ACVR1: variants seen among roughly 807,000 people sequenced by gnomAD.
ACVR1 encodes the protein activin A receptor type 1.
In ACVR1, 38 loss-of-function variants were observed where a neutral mutation model predicts 57.1. The observed-to-expected ratio is 0.67, with a 90% CI of 0.51 to 0.87. The LOEUF (loss-of-function observed/expected upper bound fraction) is 0.87, where lower values mean the gene tolerates loss of function less well. Among genes scored for constraint, ACVR1 ranks in the 40% least tolerant of loss-of-function variants. The pLI is 0.00. For missense variants in ACVR1, 463 were observed against 638.2 expected, an observed-to-expected ratio of 0.73 and a Z score of 2.96; for synonymous variants, 212 against 228.1, an observed-to-expected ratio of 0.93 and a Z score of 0.63.
At chr2:157,822,232 T>C (rs1006170825) in intron 1 of ACVR1, among the ~76,000 whole-genome samples, 5 of 152,186 alleles carry the variant, frequency 3.3e-5, no homozygotes, top group Admixed American at 3.3e-4. Flanking sequence ...AAACTCAGTT[T>C]TCCAACCTAT....
intron 1 of ACVR1, among the ~76,000 whole-genome samples, chr2:157,851,411 A>C (rs1414936269): frequency 1.3e-5 from 2 of 152,110 alleles, no homozygotes; most frequent in East Asian, 1.9e-4. Context: ...GGAATATTGC[A>C]ATCAGCTCTA....
chr2:157,851,239 T>C (rs1342579756), intron 1 of ACVR1, among the ~76,000 whole-genome samples: 2 of 151,612 alleles, frequency 1.3e-5, no homozygotes, highest in African/African-American at 2.4e-5. Context: ...CAAGGAGAGG[T>C]TGAGGAAGAC....
At position 157,826,767 on chromosome 2, in the gene ACVR1, AAAGG is replaced by A. The variant is rs1559080651; in HGVS notation, c.-182-8212_-182-8209del. The A allele has an allele frequency of 6.9e-4, 54 of 78,598 alleles. 2 individuals carry two copies. Among genetic ancestry groups the A allele is most frequent in the African/African-American group, 3.2e-3 (47 of 14,640 alleles). 4.9% of individuals were successfully genotyped at this position (78,598 alleles called of 1,614,324 possible). ...AAAGGAAAGGAAAGGAAAGGAAAGG[AAAGG>A]AAAGGAAAGGAAAGGAAAGGGAAAG... On this transcript the variant is annotated intron_variant, in intron 1 of 10. Coordinates refer to ENST00000434821, the MANE Select transcript of ACVR1 (RefSeq NM_001111067.4).
intron 9 of ACVR1, among the ~76,000 whole-genome samples, chr2:157,742,803 G>A (rs752785298): frequency 1.3e-5 from 2 of 152,102 alleles, no homozygotes; most frequent in Non-Finnish European, 2.9e-5. Context: ...TCTTGCCCCC[G>A]AGGTCCTGAA....
intron 9 of ACVR1, among the ~76,000 whole-genome samples, chr2:157,746,975 TA>T (rs1302032313): frequency 6.6e-6 from 1 of 151,198 alleles, no homozygotes; most frequent in Non-Finnish European, 1.5e-5. Context: ...AAAATTCCAA[TA>T]AAAAATATAA....
intron 2 of ACVR1, among the ~76,000 whole-genome samples, chr2:157,807,605 C>A (rs762542667): frequency 6.6e-6 from 1 of 151,846 alleles, no homozygotes; most frequent in African/African-American, 2.4e-5. Context: ...CCCCATTATC[C>A]CTTCCCATAA....
At chr2:157,761,829 A>C (rs1685669349) in intron 8 of ACVR1, among the ~76,000 whole-genome samples, 3 of 152,234 alleles carry the variant, frequency 2.0e-5, no homozygotes, top group Admixed American at 2.0e-4. Context: ...TTACTGATGC[A>C]TATGCAGACT....
At chr2:157,859,190 T>C (rs1689640689) in intron 1 of ACVR1, among the ~76,000 whole-genome samples, 1 of 152,062 alleles carries the variant, frequency 6.6e-6, no homozygotes, top group Non-Finnish European at 1.5e-5. Context: ...ACCTCACTGA[T>C]AAAACAGGTT....
rs1439941681 is a variant in ACVR1 at position 157,778,221 on chromosome 2, C to T, written c.453G>A (p.Arg151=). The T allele has an allele frequency of 3.7e-6, 6 of 1,614,004 alleles. No homozygotes were observed. The highest frequency in any genetic ancestry group is 1.3e-5 in the African/African-American group (1 of 74,966). Reference sequence around the variant, plus strand: ...GGGGATTGAGGCGTTCTTGGTTGCGCCTTTTAAATTTTCGGAGAGCAACTC... The same window carrying T: ...GGGGATTGAGGCGTTCTTGGTTGCGTCTTTTAAATTTTCGGAGAGCAACTC... ...LLGVALRKFK[R]RNQERLNPRD... The change falls in exon 5 of 11, where the codon AGG becomes AGA. Residue 151 remains arginine (R), a synonymous_variant. Coordinates refer to ENST00000434821, the MANE Select transcript of ACVR1 (RefSeq NM_001111067.4).
chr2:157,784,646 C>G (rs1000889961), intron 3 of ACVR1, among the ~76,000 whole-genome samples: 2 of 152,230 alleles, frequency 1.3e-5, no homozygotes, highest in Non-Finnish European at 2.9e-5. Context: ...TGGCTGGGAA[C>G]AGCAGGGAGT....
intron 7 of ACVR1, among the ~76,000 whole-genome samples, chr2:157,767,818 C>T (rs934704559): frequency 7.2e-5 from 11 of 152,092 alleles, no homozygotes; most frequent in African/African-American, 2.4e-4. Context: ...TGTCCTGATA[C>T]CTTGCATAGG....
chr2:157,855,180 C>G (rs1349445806), intron 1 of ACVR1, among the ~76,000 whole-genome samples: 2 of 150,046 alleles, frequency 1.3e-5, no homozygotes, highest in Admixed American at 1.3e-4. Flanking sequence ...CTTTGGGAGG[C>G]CAAGGAGGGC....
intron 3 of ACVR1, among the ~76,000 whole-genome samples, chr2:157,793,988 G>T (rs954029512): frequency 6.6e-6 from 1 of 152,156 alleles, no homozygotes; most frequent in Admixed American, 6.6e-5. Context: ...GAAATCTCTT[G>T]CGAAAAAATT....
intron 3 of ACVR1, among the ~76,000 whole-genome samples, chr2:157,781,527 GA>G (rs569655833): frequency 2.6e-5 from 4 of 152,088 alleles, no homozygotes; most frequent in Non-Finnish European, 4.4e-5. Context: ...TGGCTGGCAG[GA>G]AAAAAATGGT....
intron 8 of ACVR1, among the ~76,000 whole-genome samples, chr2:157,764,251 C>T (rs1055553823): frequency 1.3e-5 from 2 of 151,994 alleles, no homozygotes; most frequent in African/African-American, 4.8e-5. Flanking sequence ...AGCGCGACCT[C>T]GGCTCACTGC....
intron 1 of ACVR1, among the ~76,000 whole-genome samples, chr2:157,840,439 T>G (rs942594485): frequency 6.6e-6 from 1 of 152,260 alleles, no homozygotes; most frequent in Non-Finnish European, 1.5e-5. Flanking sequence ...AAAAAAGTTT[T>G]CCTTTCTTGG....
chr2:157,788,873 C>G (rs1276743950), intron 3 of ACVR1, among the ~76,000 whole-genome samples: 2 of 152,028 alleles, frequency 1.3e-5, no homozygotes, highest in East Asian at 1.9e-4. Flanking sequence ...TCCAATTTCC[C>G]CATTCATTTC....
At chr2:157,841,746 G>A (rs1453750043) in intron 1 of ACVR1, among the ~76,000 whole-genome samples, 1 of 152,192 alleles carries the variant, frequency 6.6e-6, no homozygotes, top group African/African-American at 2.4e-5. Flanking sequence ...AAAATTGGCA[G>A]GGCACGGTGG....
chr2:157,810,149 C>G (rs896345677), intron 2 of ACVR1, among the ~76,000 whole-genome samples: 1 of 152,176 alleles, frequency 6.6e-6, no homozygotes, highest in Non-Finnish European at 1.5e-5. Context: ...GAATAGTATT[C>G]TCACCTCAGT....
Sources: gnomAD v4.1 joint callset for allele counts (sites outside exome capture counted in the v4.1 genomes callset) on GRCh38, gnomAD v4.1.1 for gene constraint, MANE v1.5 for transcripts, NCBI Gene and HGNC (gene_info 2026-07-23, HGNC 2026-07-21) for gene names.